The following DIAPH3 variants were observed in gnomAD, a reference collection of about 807,000 sequenced individuals.
The protein encoded by DIAPH3 is protein diaphanous homolog 3.
A neutral mutation model predicts 144.3 loss-of-function variants in DIAPH3; 117 were observed. The ratio of observed to expected loss-of-function variants is 0.81; its 90% confidence interval spans 0.70 to 0.95. DIAPH3 has a LOEUF of 0.95. DIAPH3 is among the 40% of genes least tolerant of loss of function. The pLI is 0.00. For missense variants in DIAPH3, 1,421 were observed against 1,412.7 expected (o/e 1.01, Z -0.09); for synonymous variants, 519 against 488.9 (o/e 1.06, Z -0.81).
intron 18 of DIAPH3, among the ~76,000 whole-genome samples, chr13:59,919,721 A>T (rs1014151695): frequency 5.3e-5 from 8 of 152,084 alleles, no homozygotes; most frequent in Non-Finnish European, 8.8e-5. Flanking sequence ...TGAAAGTATA[A>T]CTCACCAGTA....
intron 1 of DIAPH3, among the ~76,000 whole-genome samples, chr13:60,136,397 A>C (rs1230913555): frequency 1.3e-5 from 2 of 151,578 alleles, no homozygotes; most frequent in Non-Finnish European, 2.9e-5. Context: ...CATAAAACCG[A>C]CTATTAAATG....
intron 3 of DIAPH3, among the ~76,000 whole-genome samples, chr13:60,095,614 GTTT>G (rs78368630): frequency 7.0e-6 from 1 of 143,606 alleles, no homozygotes; most frequent in African/African-American, 2.6e-5. Context: ...TGTTTTTTGT[GTTT>G]TTTTTTTTTA....
chr13:59,751,150 C>G (rs1026654595), intron 27 of DIAPH3, among the ~76,000 whole-genome samples: 3 of 152,270 alleles, frequency 2.0e-5, no homozygotes, highest in South Asian at 2.1e-4. Flanking sequence ...AATTAGCATT[C>G]GCCCTGCTCC....
intron 27 of DIAPH3, among the ~76,000 whole-genome samples, chr13:59,671,889 C>T (rs369027590): frequency 6.6e-6 from 1 of 151,992 alleles, no homozygotes; most frequent in African/African-American, 2.4e-5. Flanking sequence ...AGAATAAAGG[C>T]CTTAAACTAC....
At chr13:60,001,988 C>T (rs1204114928) in intron 9 of DIAPH3, among the ~76,000 whole-genome samples, 2 of 152,196 alleles carry the variant, frequency 1.3e-5, no homozygotes, top group Non-Finnish European at 2.9e-5. Context: ...CTTCAACTCA[C>T]TGACCAGGAT....
chr13:59,902,542 G>C (rs146660670), intron 20 of DIAPH3, among the ~76,000 whole-genome samples: 5 of 152,280 alleles, frequency 3.3e-5, no homozygotes, highest in Middle Eastern at 3.4e-3. Flanking sequence ...GGGAGGCCAA[G>C]GCAGGCAGAT....
intron 17 of DIAPH3, among the ~76,000 whole-genome samples, chr13:59,941,120 T>A (rs1054519645): frequency 6.6e-6 from 1 of 152,154 alleles, no homozygotes; most frequent in Non-Finnish European, 1.5e-5. Context: ...ATATCTACAG[T>A]GAGACAATAG....
chr13:59,920,378 G>T (rs1055865680), intron 18 of DIAPH3, among the ~76,000 whole-genome samples: 1 of 151,602 alleles, frequency 6.6e-6, no homozygotes, highest in African/African-American at 2.4e-5. Context: ...CATGAAAACC[G>T]AAAAAGAACA....
chr13:59,948,498 T>C (rs993496100), intron 17 of DIAPH3, among the ~76,000 whole-genome samples: 1 of 152,154 alleles, frequency 6.6e-6, no homozygotes, highest in Admixed American at 6.6e-5. Flanking sequence ...TCACCAAGGC[T>C]GAAGTGCAGT....
chr13:59,984,548 G>C (rs2051260427), intron 12 of DIAPH3, among the ~76,000 whole-genome samples: 1 of 151,308 alleles, frequency 6.6e-6, no homozygotes, highest in African/African-American at 2.4e-5. Flanking sequence ...GATTTTGAAA[G>C]GATCAACAAA....
intron 27 of DIAPH3, among the ~76,000 whole-genome samples, chr13:59,706,500 T>C (rs1270897993): frequency 1.3e-5 from 2 of 152,182 alleles, no homozygotes; most frequent in Non-Finnish European, 2.9e-5. Context: ...TACAAACTAA[T>C]ATAAGCTACG....
chr13:59,960,920 A>G (rs1431722024), intron 17 of DIAPH3, among the ~76,000 whole-genome samples: 1 of 152,174 alleles, frequency 6.6e-6, no homozygotes, highest in Non-Finnish European at 1.5e-5. Flanking sequence ...TCCTGATTCA[A>G]CAAATCCCTG....
chr13:59,966,593 A>G (rs1027598740), intron 17 of DIAPH3, among the ~76,000 whole-genome samples: 2 of 152,320 alleles, frequency 1.3e-5, no homozygotes, highest in Admixed American at 1.3e-4. Flanking sequence ...AGAAGTCCTG[A>G]AAACCTAAAG....
chr13:59,895,541 T>G (rs905403064), intron 20 of DIAPH3, among the ~76,000 whole-genome samples: 1 of 150,034 alleles, frequency 6.7e-6, no homozygotes, highest in African/African-American at 2.5e-5. Context: ...AATAAAAATA[T>G]AAGAAAAGCG....
chr13:59,775,201 T>C (rs1053435364), intron 25 of DIAPH3, among the ~76,000 whole-genome samples: 1 of 152,186 alleles, frequency 6.6e-6, no homozygotes, highest in Non-Finnish European at 1.5e-5. Context: ...TCATCTTCTA[T>C]TCTAAAGTCA....
intron 21 of DIAPH3, 34 bp from the exon 22 acceptor site, chr13:59,861,570 T>A: frequency 1.9e-6 from 3 of 1,594,356 alleles, no homozygotes; most frequent in Non-Finnish European, 2.6e-6. Context: ...AAACACAGAG[T>A]CATAAGTATG....
At chr13:60,086,633 G>C (rs1012588436) in intron 4 of DIAPH3, among the ~76,000 whole-genome samples, 2 of 151,308 alleles carry the variant, frequency 1.3e-5, no homozygotes, top group Non-Finnish European at 2.9e-5. Context: ...ATGTTAACAA[G>C]AATGTGTGAA....
At chr13:59,672,449 A>G (rs1280112526) in intron 27 of DIAPH3, among the ~76,000 whole-genome samples, 2 of 152,154 alleles carry the variant, frequency 1.3e-5, no homozygotes, top group African/African-American at 4.8e-5. Flanking sequence ...CTCTCCTCGC[A>G]ATTCTTTACC....
At chr13:59,835,743 G>C (rs1362769067) in intron 23 of DIAPH3, among the ~76,000 whole-genome samples, 4 of 151,656 alleles carry the variant, frequency 2.6e-5, no homozygotes, top group Non-Finnish European at 4.4e-5. Flanking sequence ...CAACTGGGCC[G>C]TGTATTATAC....
Sources: allele counts gnomAD v4.1 joint callset (sites outside exome capture counted in the v4.1 genomes callset), GRCh38; gene constraint gnomAD v4.1.1; transcripts MANE v1.5; gene names NCBI Gene and HGNC (gene_info 2026-07-23, HGNC 2026-07-21).